GAK: variants seen among roughly 807,000 people sequenced by gnomAD.
The protein encoded by GAK is cyclin G associated kinase, also known as cyclin-G-associated kinase.
A neutral mutation model predicts 143.9 loss-of-function variants in GAK; 79 were observed. That is an observed-to-expected ratio of 0.55 (90% CI 0.46 to 0.66). The LOEUF (loss-of-function observed/expected upper bound fraction) is 0.66. GAK is among the 30% of genes least tolerant of loss of function. The pLI is 0.00. For synonymous variants in GAK, 881 were observed against 765.5 expected (o/e 1.15, Z -2.49); for missense variants, 1,693 against 1,779.7 (o/e 0.95, Z 0.88).
chr4:921,923 C>G (rs1260061257), intron 1 of GAK, among the ~76,000 whole-genome samples: 3 of 152,136 alleles, frequency 2.0e-5, no homozygotes, highest in Non-Finnish European at 4.4e-5. Flanking sequence ...GAAGCACTCC[C>G]AAGCTATCGG....
chr4:882,120 C>A, intron 14 of GAK, 80 bp from the exon 15 acceptor site: 1 of 1,451,042 alleles, frequency 6.9e-7, no homozygotes, highest in Non-Finnish European at 9.3e-7. Flanking sequence ...GCATCCTACC[C>A]ACCCTGTGGC....
At chr4:921,597 T>C (rs2152965795) in intron 1 of GAK, among the ~76,000 whole-genome samples, 1 of 151,860 alleles carries the variant, frequency 6.6e-6, no homozygotes, top group African/African-American at 2.4e-5. Flanking sequence ...TAAGAATCCT[T>C]AGCTGTGACA....
rs1486232295 is a variant in GAK at position 867,095 on chromosome 4, G to A, written c.2733C>T (p.Leu911=). 1.3e-6 allele frequency: 2 copies of A among 1,564,108 alleles called. No homozygotes were observed. Among genetic ancestry groups the A allele is most frequent in the Non-Finnish European group, 8.7e-7 (1 of 1,152,748 alleles). The part of the protein sequence containing the change: ...CKAPSSNTDL[L]SCLLGPPEAA... ...CCTCAGGGGGCCCAAGGAGGCAGCT[G>A]AGCAGGTCGGTGTTGCTGGAGGGGG... Residue 911 remains leucine (L), a synonymous_variant, in exon 21 of 28, where the codon CTC becomes CTT. Coordinates refer to ENST00000314167, the MANE Select transcript of GAK (RefSeq NM_005255.4).
chr4:890,520 C>T lies in GAK; in HGVS notation c.1081+12G>A. The T allele has an allele frequency of 1.3e-6, 2 of 1,596,874 alleles. No individual in the cohort carries two copies. Among genetic ancestry groups the T allele is most frequent in the Non-Finnish European group, 1.7e-6 (2 of 1,170,636 alleles). On this transcript the variant is annotated intron_variant, in intron 10 of 27. Transcript: ENST00000314167. The stretch of plus-strand genomic sequence containing the variant: ...CGAGGGACAGGTGGCGGGCACAGGA[C>T]AGGGCACTCACCTCCACTGTAGCCA...
rs1166067208 is a variant in GAK, at chr4:911,741, G to A, written c.314C>T (p.Ala105Val). Residue 105 changes from alanine to valine, a missense_variant, in exon 4 of 28, where the codon GCG becomes GTG. Around this residue, in one of 2 missense-constraint regions of GAK, gnomAD observed 871 missense variants for 991.0 expected, o/e 0.88. Transcript: ENST00000314167. ...GTCTGACTCCTCTTTTCCTATAGAC[G>A]CTGCAGAACAAAACTGGACAATGTT... is the stretch of plus-strand genomic sequence containing the variant. ...HPNIVQFCSA[A>V]SIGKEESDTG... 8 of 1,614,020 alleles carry A rather than the reference G, an allele frequency of 5.0e-6. No individual in the cohort carries two copies. The highest frequency in any genetic ancestry group is 2.2e-5 in the East Asian group (1 of 44,874).
At position 877,525 on chromosome 4, in the gene GAK, C is replaced by T. The variant is rs1272181917; in HGVS notation, c.1856+90G>A. ...CAAACACGTCCGCCTCAGCAAGCGC[C>T]TGTCCCCGGCAAGGCCAGGGTTCCT... On this transcript the variant is annotated intron_variant, in intron 16 of 27. Coordinates refer to ENST00000314167, the MANE Select transcript of GAK (RefSeq NM_005255.4). 6.6e-6 allele frequency: 9 copies of T among 1,361,356 alleles called. No individual in the cohort carries two copies. The South Asian group carries it at 8.6e-5, about 13-fold the overall frequency. 84.3% of individuals were successfully genotyped at this position (1,361,356 alleles called of 1,614,324 possible).
At chr4:911,620 A>T in intron 4 of GAK, 53 bp downstream of exon 4, 2 of 1,270,428 alleles carry the variant, frequency 1.6e-6, no homozygotes, top group Non-Finnish European at 2.3e-6. Context: ...GGAGGCATCA[A>T]GCCGGCCTCT....
rs926621851 is a variant in GAK, at chr4:909,324, C to T, written c.382+2349G>A. The stretch of plus-strand genomic sequence containing the variant: ...AGGCCCTAGAAGCGCAGCGCAGGAG[C>T]GGGTGTCAGAGTCCAGGGACATCCA... On this transcript the variant is annotated intron_variant, in intron 4 of 27. Transcript: ENST00000314167. Among the ~76,000 whole-genome samples the T allele has an allele frequency of 5.3e-5, 8 of 152,376 alleles. No homozygotes were observed. The South Asian group carries it at 6.2e-4, about 12-fold the overall frequency.
At chr4:892,650 G>T (rs147422714) in intron 9 of GAK, among the ~76,000 whole-genome samples, 17 of 152,290 alleles carry the variant, frequency 1.1e-4, no homozygotes, top group African/African-American at 4.1e-4. Context: ...GCCCAGCCCT[G>T]ACACAACTGC....
chr4:866,868 C>T (rs1751282433), intron 21 of GAK, 88 bp downstream of exon 21: 1 of 1,056,680 alleles, frequency 9.5e-7, no homozygotes, highest in Non-Finnish European at 1.4e-6. Context: ...CTGCAAGCAC[C>T]TTCGAAACAC....
intron 1 of GAK, 61 bp from the exon 2 acceptor site, chr4:913,729 A>T (rs2152941372): frequency 7.5e-7 from 1 of 1,337,126 alleles, no homozygotes; most frequent in East Asian, 2.3e-5. Flanking sequence ...ATCAGGCTTT[A>T]AAAATACCTT....
At chr4:883,902 C>G in intron 12 of GAK, 135 bp downstream of exon 12, 1 of 870,954 alleles carries the variant, frequency 1.1e-6, no homozygotes, top group Non-Finnish European at 1.8e-6. Flanking sequence ...CAAGGGGCCC[C>G]AGGTCACCCC....
At position 893,426 on chromosome 4, in the gene GAK, T is replaced by G. The variant is rs774037651; in HGVS notation, c.941A>C (p.Gln314Pro). ...CACGTTGCGGGCGGCCGCGATCTCC[T>G]GCAGCTGGTGCACCACCTCGGCGAT... ...LSIAEVVHQL[Q>P]EIAAARNVNP... Residue 314 changes from glutamine to proline, a missense_variant, in exon 9 of 28, where the codon CAG becomes CCG. Gln to Pro is a moderately conservative substitution (Grantham distance 76). This residue lies in a region of GAK where 871 missense variants were observed against 991.0 expected (regional missense o/e 0.88). Transcript: ENST00000314167. 1 of 1,594,130 alleles carries G rather than the reference T, an allele frequency of 6.3e-7. No individual in the cohort carries two copies. The highest frequency in any genetic ancestry group is 1.1e-5 in the South Asian group (1 of 88,904).
chr4:861,263 AG>A (rs1406722315), intron 23 of GAK, among the ~76,000 whole-genome samples: 2 of 152,164 alleles, frequency 1.3e-5, no homozygotes, highest in Non-Finnish European at 2.9e-5. Context: ...ATCAAAAGCT[AG>A]GAACAACTGA....
At chr4:911,950 G>T (rs548941139) in intron 3 of GAK, 163 bp from the exon 4 acceptor site, 2 of 567,520 alleles carry the variant, frequency 3.5e-6, no homozygotes, top group Non-Finnish European at 6.5e-6. Flanking sequence ...AGCAGTGGAC[G>T]ACCGAGAGAA....
rs534393646 is a variant in GAK at position 884,161 on chromosome 4, C to T, written c.1206-75G>A. 1.5e-5 allele frequency: 21 copies of T among 1,365,096 alleles called. No individual in the cohort carries two copies. The South Asian group carries it at 2.5e-4, about 16-fold the overall frequency. The allele number at this position is 1,365,096 out of a possible 1,614,324, so 84.6% of individuals were successfully genotyped here. On this transcript the variant is annotated intron_variant, in intron 11 of 27. Coordinates refer to ENST00000314167, the MANE Select transcript of GAK (RefSeq NM_005255.4). ...TTAGGTCACAGGGCTTAAGCCAGAG[C>T]CCGAGGCCTGGAGAAGCCGTGGGGC...
intron 18 of GAK, among the ~76,000 whole-genome samples, chr4:873,825 T>C (rs1713228169): frequency 6.6e-6 from 1 of 152,174 alleles, no homozygotes; most frequent in Admixed American, 6.5e-5. Context: ...ACTTGAGTTT[T>C]GTGTGAGCTT....
At position 894,021 on chromosome 4, in the gene GAK, G is replaced by A. The variant is rs1381366748; in HGVS notation, c.742-12C>T. ...ATGCAGCCCAGGGCCTGCGGGGAGA[G>A]CAGGGGTGATGCCTAGGCCCACGGG... On this transcript the variant is annotated splice_polypyrimidine_tract_variant and intron_variant, in intron 7 of 27. Coordinates refer to ENST00000314167, the MANE Select transcript of GAK (RefSeq NM_005255.4). 4 of 1,588,138 alleles carry A rather than the reference G, an allele frequency of 2.5e-6. No individual in the cohort carries two copies. The highest frequency in any genetic ancestry group is 4.5e-5 in the East Asian group (2 of 43,980).
Position 882,051 on chromosome 4 carries a change from CAG to C in GAK, c.1528-13_1528-12del. ...CGCGGCTCTCCCGTCCTAGGACAGA[CAG>C]ACACGTCTCGCGTGCGCCTCGCACT... is the stretch of plus-strand genomic sequence containing the variant. On this transcript the variant is annotated splice_polypyrimidine_tract_variant and intron_variant, in intron 14 of 27. Coordinates refer to ENST00000314167, the MANE Select transcript of GAK (RefSeq NM_005255.4). 6.3e-7 allele frequency: 1 copy of C among 1,595,970 alleles called. No homozygotes were observed. Among genetic ancestry groups the C allele is most frequent in the East Asian group, 2.3e-5 (1 of 44,120 alleles).
Sources: allele counts gnomAD v4.1 joint callset (sites outside exome capture counted in the v4.1 genomes callset), GRCh38; gene constraint gnomAD v4.1.1; regional missense constraint gnomAD v4.1.1; transcripts MANE v1.5; gene names NCBI Gene and HGNC (gene_info 2026-07-23, HGNC 2026-07-21).